BTRC: variants seen among roughly 807,000 people sequenced by gnomAD.
The protein encoded by BTRC is beta-transducin repeat containing E3 ubiquitin protein ligase, also known as F-box/WD repeat-containing protein 1A.
A neutral mutation model predicts 85.5 loss-of-function variants in BTRC; 42 were observed. The ratio of observed to expected loss-of-function variants is 0.49; its 90% CI spans 0.38 to 0.64. The LOEUF (loss-of-function observed/expected upper bound fraction) is 0.64, where lower values mean the gene tolerates loss of function less well. Among genes scored for constraint, BTRC ranks in the 30% least tolerant of loss-of-function variants. The probability of loss-of-function intolerance (pLI) is 0.00; values close to 1 mark genes in which losing one functional copy is unlikely to be tolerated. For synonymous variants in BTRC, 255 were observed against 263.3 expected, an observed-to-expected ratio of 0.97 and a Z score of 0.30; for missense variants, 594 against 743.5, an observed-to-expected ratio of 0.80 and a Z score of 2.34.
intron 1 of BTRC, among the ~76,000 whole-genome samples, chr10:101,420,885 C>T (rs1404120778): frequency 6.6e-6 from 1 of 151,734 alleles, no homozygotes; most frequent in Non-Finnish European, 1.5e-5. Flanking sequence ...GGTATTTTTA[C>T]AACAAATGCT....
At chr10:101,471,281 G>A (rs1945517266) in intron 3 of BTRC, among the ~76,000 whole-genome samples, 1 of 152,152 alleles carries the variant, frequency 6.6e-6, no homozygotes. Flanking sequence ...CCAACACTTT[G>A]GGAGGCCGAA....
At chr10:101,375,638 C>T (rs189120511) in intron 1 of BTRC, among the ~76,000 whole-genome samples, 1 of 152,264 alleles carries the variant, frequency 6.6e-6, no homozygotes, top group East Asian at 1.9e-4. Flanking sequence ...AGCTTGAACT[C>T]AAAAGTGGAA....
intron 4 of BTRC, among the ~76,000 whole-genome samples, chr10:101,521,113 A>G (rs1438297003): frequency 1.3e-5 from 2 of 152,298 alleles, no homozygotes; most frequent in Middle Eastern, 3.4e-3. Flanking sequence ...ACAAAAAAAA[A>G]TGTTAAAAAT....
chr10:101,410,821 A>G (rs746235706), intron 1 of BTRC, among the ~76,000 whole-genome samples: 3 of 152,058 alleles, frequency 2.0e-5, no homozygotes, highest in Non-Finnish European at 4.4e-5. Context: ...TTCACTTCAC[A>G]TATACTGTAT....
chr10:101,470,573 G>T (rs1344374980), intron 3 of BTRC, among the ~76,000 whole-genome samples: 1 of 151,960 alleles, frequency 6.6e-6, no homozygotes, highest in Non-Finnish European at 1.5e-5. Flanking sequence ...CAGGTGATCC[G>T]ACCGCCTCAG....
intron 1 of BTRC, among the ~76,000 whole-genome samples, chr10:101,366,812 A>ATG (rs1942401380): frequency 1.8e-5 from 1 of 55,386 alleles, no homozygotes; most frequent in African/African-American, 1.0e-4. Flanking sequence ...ATATATATTT[A>ATG]TATATATTAA....
chr10:101,418,281 T>C (rs1373732245), intron 1 of BTRC, among the ~76,000 whole-genome samples: 1 of 151,982 alleles, frequency 6.6e-6, no homozygotes, highest in Admixed American at 6.6e-5. Flanking sequence ...GGCAGGAGAA[T>C]CGCTTGAACC....
intron 4 of BTRC, among the ~76,000 whole-genome samples, chr10:101,501,715 G>A (rs897968567): frequency 6.6e-6 from 1 of 152,114 alleles, no homozygotes; most frequent in African/African-American, 2.4e-5. Context: ...AAAAGGTTAG[G>A]TAGTAAACCA....
intron 1 of BTRC, among the ~76,000 whole-genome samples, chr10:101,399,016 C>T (rs199879498): frequency 6.6e-6 from 1 of 152,076 alleles, no homozygotes; most frequent in Non-Finnish European, 1.5e-5. Flanking sequence ...GCAGTGGTGC[C>T]ATCTTGGCTC....
chr10:101,363,467 T>G (rs11190962), intron 1 of BTRC, among the ~76,000 whole-genome samples: 43,545 of 137,342 alleles, frequency 0.32, 7,305 homozygotes, highest in Middle Eastern at 0.45. Context: ...TTTTGTTTTT[T>G]CTTTTTTTTG....
intron 4 of BTRC, among the ~76,000 whole-genome samples, chr10:101,495,588 A>G (rs1283274240): frequency 6.6e-6 from 1 of 152,220 alleles, no homozygotes; most frequent in Non-Finnish European, 1.5e-5. Flanking sequence ...ATGTGGCCAT[A>G]GGTTTGCAAG....
chr10:101,542,772 G>A (rs1365327690), intron 13 of BTRC, among the ~76,000 whole-genome samples: 2 of 151,976 alleles, frequency 1.3e-5, no homozygotes, highest in African/African-American at 4.8e-5. Flanking sequence ...ATGGGGTTTT[G>A]CCACATTGCC....
chr10:101,432,190 C>T (rs1394993264), intron 2 of BTRC, among the ~76,000 whole-genome samples: 1 of 150,974 alleles, frequency 6.6e-6, no homozygotes, highest in African/African-American at 2.4e-5. Flanking sequence ...TGCAGTGGCA[C>T]AATCTCGACT....
chr10:101,385,954 A>T (rs1203739036), intron 1 of BTRC, among the ~76,000 whole-genome samples: 1 of 152,096 alleles, frequency 6.6e-6, no homozygotes, highest in Admixed American at 6.5e-5. Context: ...GAGCTTCATC[A>T]TAAAGTGCCA....
At chr10:101,505,559 G>A (rs1379404330) in intron 4 of BTRC, among the ~76,000 whole-genome samples, 2 of 151,306 alleles carry the variant, frequency 1.3e-5, no homozygotes, top group Non-Finnish European at 2.9e-5. Flanking sequence ...GGTGGAGCTT[G>A]CAGTGAGCAG....
intron 1 of BTRC, among the ~76,000 whole-genome samples, chr10:101,397,341 A>C (rs1943389852): frequency 6.6e-6 from 1 of 152,218 alleles, no homozygotes; most frequent in East Asian, 1.9e-4. Flanking sequence ...AGTTGTGGAA[A>C]TGATTAAAGC....
intron 4 of BTRC, among the ~76,000 whole-genome samples, chr10:101,491,015 C>T (rs1172175276): frequency 1.3e-5 from 2 of 150,870 alleles, no homozygotes; most frequent in African/African-American, 2.4e-5. Flanking sequence ...GCCAAGATTG[C>T]GCCACTGTAC....
chr10:101,386,153 T>C (rs1256631974), intron 1 of BTRC, among the ~76,000 whole-genome samples: 1 of 152,196 alleles, frequency 6.6e-6, no homozygotes, highest in Non-Finnish European at 1.5e-5. Flanking sequence ...TCAGGATATA[T>C]GGACAGATAC....
chr10:101,467,727 TA>T (rs570892150), intron 3 of BTRC, among the ~76,000 whole-genome samples: 3 of 151,962 alleles, frequency 2.0e-5, no homozygotes, highest in Admixed American at 1.3e-4. Context: ...TGTTTATTAA[TA>T]AAAAAAATCA....
Sources: gnomAD v4.1 joint callset for allele counts (sites outside exome capture counted in the v4.1 genomes callset) on GRCh38, gnomAD v4.1.1 for gene constraint, MANE v1.5 for transcripts, NCBI Gene and HGNC (gene_info 2026-07-23, HGNC 2026-07-21) for gene names.